Variants in MBP observed in about 807,000 individuals in gnomAD.
MBP encodes Golli-MBP.
Under a neutral mutation model 35.8 loss-of-function variants are expected in MBP, and 16 were observed. That is an observed-to-expected ratio of 0.45 (90% CI 0.30 to 0.68). The LOEUF (loss-of-function observed/expected upper bound fraction) is 0.68, where lower values mean the gene tolerates loss of function less well. Ranked by LOEUF, MBP falls within the 30% of genes least tolerant of loss-of-function variation. The pLI, the probability that MBP is intolerant of heterozygous loss-of-function variation, is 0.08. For synonymous variants in MBP, 143 were observed against 159.6 expected (o/e 0.90, Z 0.78); for missense variants, 380 against 404.7 (o/e 0.94, Z 0.52).
intron 4 of MBP, chr18:77,013,241 G>A (rs937611535): frequency 1.0e-6 from 1 of 985,322 alleles, no homozygotes; most frequent in Admixed American, 6.1e-5. Flanking sequence ...GGTACTGAGT[G>A]GCTGGATCAG....
chr18:77,026,925 T>A (rs1043816872), intron 3 of MBP, among the ~76,000 whole-genome samples: 1 of 152,150 alleles, frequency 6.6e-6, no homozygotes, highest in African/African-American at 2.4e-5. Flanking sequence ...TCCAAGCAGA[T>A]CTTAAATGAG....
intron 2 of MBP, among the ~76,000 whole-genome samples, chr18:77,085,336 A>T (rs1975176870): frequency 1.3e-5 from 2 of 152,234 alleles, no homozygotes; most frequent in African/African-American, 4.8e-5. Context: ...TTTGCTCAAA[A>T]GACAGTAACA....
At chr18:77,031,353 C>T (rs973095119) in intron 3 of MBP, among the ~76,000 whole-genome samples, 18 of 152,226 alleles carry the variant, frequency 1.2e-4, no homozygotes, top group African/African-American at 2.7e-4. Flanking sequence ...TCTCACACCC[C>T]GTGTGGGCCA....
At chr18:77,081,765 T>C (rs55774137) in intron 2 of MBP, among the ~76,000 whole-genome samples, 2,863 of 92,948 alleles carry the variant, frequency 0.031, 100 homozygotes, top group African/African-American at 0.091. Flanking sequence ...TATATATATA[T>C]ATACACACAC....
intron 3 of MBP, among the ~76,000 whole-genome samples, chr18:77,036,726 G>A (rs1972784529): frequency 1.4e-5 from 2 of 140,866 alleles, no homozygotes; most frequent in South Asian, 4.8e-4. Context: ...GGACTGAGCT[G>A]AGCAAGTGCT....
Position 76,989,880 on chromosome 18 carries a change from T to C in MBP, c.681+76A>G. 1 of 1,302,532 alleles carries C rather than the reference T, an allele frequency of 7.7e-7. No individual in the cohort carries two copies. Among genetic ancestry groups the C allele is most frequent in the Middle Eastern group, 2.6e-4 (1 of 3,840 alleles). The allele number at this position is 1,302,532 out of a possible 1,614,324, so 80.7% of individuals were successfully genotyped here. A position where few individuals can be genotyped will look rare whatever the true frequency, so the allele number is the denominator to read the frequency against. On this transcript the variant is annotated intron_variant, in intron 5 of 8. Coordinates refer to ENST00000355994, the MANE Select transcript of MBP (RefSeq NM_001025101.2). The surrounding 1 kb of genome is among the most constrained non-coding windows in gnomAD (Gnocchi z 4.0). ...GCCACCCCCGAGCGTACGAACGTCC[T>C]GTGTGGATGACAGCAGTGGCCAGCA...
intron 4 of MBP, among the ~76,000 whole-genome samples, chr18:77,002,337 T>C (rs1970684799): frequency 6.6e-6 from 1 of 152,236 alleles, no homozygotes; most frequent in Admixed American, 6.5e-5. Flanking sequence ...GTGTGGTCCA[T>C]GATGTCATTG....
At chr18:77,070,229 G>A (rs1273667495) in intron 2 of MBP, among the ~76,000 whole-genome samples, 2 of 152,186 alleles carry the variant, frequency 1.3e-5, no homozygotes. Context: ...GGCCCTCCCT[G>A]CGTCATTGCC....
chr18:77,076,207 G>A (rs908916909), intron 2 of MBP, among the ~76,000 whole-genome samples: 12 of 152,216 alleles, frequency 7.9e-5, no homozygotes, highest in African/African-American at 2.9e-4. Context: ...TCCCTTTCCT[G>A]GAATTGGACT....
intron 2 of MBP, among the ~76,000 whole-genome samples, chr18:77,096,387 G>A (rs1599237293): frequency 6.6e-6 from 1 of 152,152 alleles, no homozygotes; most frequent in South Asian, 2.1e-4. Context: ...TCTGCAGGGG[G>A]TGTGATTGCC....
At chr18:77,090,927 G>A (rs1975492656) in intron 2 of MBP, among the ~76,000 whole-genome samples, 1 of 152,214 alleles carries the variant, frequency 6.6e-6, no homozygotes, top group Non-Finnish European at 1.5e-5. Context: ...GGGAGGAAGA[G>A]TTCCCGTGCT....
In MBP at chr18:77,016,889, G is replaced by T. The variant is rs1971676214; in HGVS notation, c.519C>A (p.Asp173Glu). ...CACCGCCAAAGAAGCGCCCGATGGA[G>T]TCAAGGATGCCCGTGTCTCTGTGCC... ...LPRHRDTGIL[D>E]SIGRFFGGDR... The change falls in exon 4 of 9, where the codon GAC becomes GAA. Residue 173 changes from aspartate (D) to glutamate (E), a missense_variant. Coordinates refer to ENST00000355994, the MANE Select transcript of MBP (RefSeq NM_001025101.2). 6.2e-7 allele frequency: 1 copy of T among 1,614,150 alleles called. No homozygotes were observed. The highest frequency in any genetic ancestry group is 8.5e-7 in the Non-Finnish European group (1 of 1,180,066).
chr18:77,105,662 ATT>A (rs1310317624), intron 1 of MBP, among the ~76,000 whole-genome samples: 3 of 152,178 alleles, frequency 2.0e-5, no homozygotes, highest in Non-Finnish European at 4.4e-5. Flanking sequence ...ACTCAGGTGC[ATT>A]GTTATGAGAT....
chr18:77,068,535 A>G (rs1974304039), intron 2 of MBP, among the ~76,000 whole-genome samples: 1 of 152,166 alleles, frequency 6.6e-6, no homozygotes, highest in South Asian at 2.1e-4. Context: ...GGCTCATTGG[A>G]GCACTCATTC....
At chr18:76,980,700 C>A (rs1969142163) in intron 8 of MBP, 1 of 552,228 alleles carries the variant, frequency 1.8e-6, no homozygotes, top group Admixed American at 3.2e-5. Context: ...AATCGGATTC[C>A]CAGGCCCCAG....
At chr18:77,085,967 C>A (rs1229283799) in intron 2 of MBP, among the ~76,000 whole-genome samples, 1 of 152,086 alleles carries the variant, frequency 6.6e-6, no homozygotes, top group Non-Finnish European at 1.5e-5. Flanking sequence ...CAGGTGTGAA[C>A]CACCGCGCCC....
chr18:77,070,931 T>C (rs1204391345), intron 2 of MBP, among the ~76,000 whole-genome samples: 1 of 152,216 alleles, frequency 6.6e-6, no homozygotes, highest in Non-Finnish European at 1.5e-5. Context: ...AGCTGGAGTG[T>C]CCAGCCAAGT....
intron 4 of MBP, among the ~76,000 whole-genome samples, chr18:76,990,485 G>A (rs144106671): frequency 2.1e-4 from 32 of 152,264 alleles, no homozygotes; most frequent in African/African-American, 7.2e-4. Context: ...GGATGGTGAG[G>A]GATGAGGGAT....
intron 4 of MBP, chr18:77,013,304 T>C (rs1042210031): frequency 1.0e-6 from 1 of 985,174 alleles, no homozygotes; most frequent in Non-Finnish European, 1.2e-6. Flanking sequence ...GTGTGCACAC[T>C]GGGCTCTGGG....
Sources: allele counts gnomAD v4.1 joint callset (sites outside exome capture counted in the v4.1 genomes callset), GRCh38; gene constraint gnomAD v4.1.1; non-coding constraint Gnocchi (gnomAD v3.1); transcripts MANE v1.5; gene names NCBI Gene and HGNC (gene_info 2026-07-23, HGNC 2026-07-21).